The following CALN1 variants were observed in gnomAD, a reference collection of about 807,000 sequenced individuals.
CALN1 encodes the protein calcium-binding protein 8.
In CALN1, 17 loss-of-function variants were observed where a neutral mutation model predicts 30.6. That is an observed-to-expected ratio of 0.56 (90% CI 0.38 to 0.83). The LOEUF (loss-of-function observed/expected upper bound fraction) is 0.83. Ranked by LOEUF, CALN1 falls within the 40% of genes least tolerant of loss-of-function variation. CALN1 has a pLI of 0.00. For synonymous variants in CALN1, 156 were observed against 131.4 expected (o/e 1.19, Z -1.28); for missense variants, 291 against 354.9 (o/e 0.82, Z 1.45).
At chr7:72,162,823 T>C (rs1788213473) in intron 3 of CALN1, among the ~76,000 whole-genome samples, 1 of 152,198 alleles carries the variant, frequency 6.6e-6, no homozygotes, top group South Asian at 2.1e-4. Flanking sequence ...GTATGAGCCA[T>C]GAGGTGGTTA....
intron 3 of CALN1, among the ~76,000 whole-genome samples, chr7:72,173,108 CA>C (rs1197814014): frequency 5.3e-5 from 8 of 151,204 alleles, no homozygotes; most frequent in African/African-American, 1.7e-4. Flanking sequence ...ATAAATTTAA[CA>C]AGGTCATAGG....
At chr7:72,085,066 C>T (rs758293730) in intron 4 of CALN1, among the ~76,000 whole-genome samples, 6 of 152,158 alleles carry the variant, frequency 3.9e-5, no homozygotes, top group African/African-American at 7.2e-5. Flanking sequence ...CCAGGATCAC[C>T]GAAGCACATG....
At chr7:71,949,256 T>TTCAGCTATGACAGAACTG (rs1796567524) in intron 5 of CALN1, among the ~76,000 whole-genome samples, 1 of 152,072 alleles carries the variant, frequency 6.6e-6, no homozygotes, top group Non-Finnish European at 1.5e-5. Context: ...ATGGAAACAC[T>TTCAGCTATGACAGAACTG]TCAGCTATGA....
At chr7:72,304,941 G>C (rs1051774248) in intron 2 of CALN1, among the ~76,000 whole-genome samples, 2 of 152,152 alleles carry the variant, frequency 1.3e-5, no homozygotes, top group Non-Finnish European at 2.9e-5. Context: ...ACAAATGAAA[G>C]AGCCTGGCTG....
intron 2 of CALN1, among the ~76,000 whole-genome samples, chr7:72,297,304 TAAGAA>T (rs201632337): frequency 0.014 from 2,165 of 151,838 alleles, 26 homozygotes; most frequent in Non-Finnish European, 0.019. Flanking sequence ...CAAAATAAAT[TAAGAA>T]AATAGGAAAA....
At chr7:72,347,634 T>C (rs1009098951) in intron 2 of CALN1, among the ~76,000 whole-genome samples, 6 of 152,110 alleles carry the variant, frequency 3.9e-5, no homozygotes, top group African/African-American at 1.2e-4. Flanking sequence ...AAAGAACAAT[T>C]TGCCGGACAG....
At chr7:72,212,768 T>G (rs2129548338) in intron 3 of CALN1, among the ~76,000 whole-genome samples, 1 of 152,232 alleles carries the variant, frequency 6.6e-6, no homozygotes, top group African/African-American at 2.4e-5. Context: ...GAGTTATGAT[T>G]ATACCACTGC....
chr7:72,402,832 A>G (rs995501746), intron 2 of CALN1, among the ~76,000 whole-genome samples: 3 of 152,220 alleles, frequency 2.0e-5, no homozygotes, highest in African/African-American at 7.2e-5. Flanking sequence ...CTGTGATCTC[A>G]GTCAAGCTGC....
At chr7:72,097,164 T>C (rs1343986717) in intron 4 of CALN1, among the ~76,000 whole-genome samples, 1 of 146,478 alleles carries the variant, frequency 6.8e-6, no homozygotes, top group Non-Finnish European at 1.5e-5. Context: ...TGTCGTGGGG[T>C]GGGGGGAGAG....
intron 2 of CALN1, among the ~76,000 whole-genome samples, chr7:72,354,003 A>G (rs1035835240): frequency 2.0e-5 from 3 of 152,192 alleles, no homozygotes; most frequent in Non-Finnish European, 4.4e-5. Flanking sequence ...CCTGGCCAAC[A>G]TGGTGAAATC....
At chr7:72,185,963 A>C (rs867120184) in intron 3 of CALN1, among the ~76,000 whole-genome samples, 1 of 152,132 alleles carries the variant, frequency 6.6e-6, no homozygotes, top group Admixed American at 6.5e-5. Context: ...GCAGCATGAA[A>C]ACAAACTAAT....
chr7:72,482,997 G>T, the CALN1 span, among the ~76,000 whole-genome samples: 4 of 152,022 alleles, frequency 2.6e-5, no homozygotes, highest in African/African-American at 9.7e-5. Flanking sequence ...TAGTGCAAAG[G>T]GTTATTTTGT....
In CALN1 at chr7:72,356,762, AAG is replaced by A. The variant is rs1417931980; in HGVS notation, c.119+46487_119+46488del. On this transcript the variant is annotated intron_variant, in intron 2 of 6. Coordinates refer to ENST00000395275, the MANE Select transcript of CALN1 (RefSeq NM_031468.4). ...ACTAGAAGAACGCAAATTACAACAT[AAG>A]AGAAGAAAATCAAAATATATTAGCT... 3.9e-5 allele frequency among the ~76,000 whole-genome samples: 6 copies of A among 152,160 alleles called. No individual in the cohort carries two copies. The East Asian group carries it at 1.2e-3, about 29-fold the overall frequency.
rs73364922 is a variant in CALN1 at position 72,373,177 on chromosome 7, T to G, written c.119+30074A>C. ...AAGAAAGAGCCAGAGAATGTGAACA[T>G]AGACCTATACAAATCACGCAATCTG... On this transcript the variant is annotated intron_variant, in intron 2 of 6. Coordinates refer to ENST00000395275, the MANE Select transcript of CALN1 (RefSeq NM_031468.4). Among the ~76,000 whole-genome samples, 685 of 152,226 alleles carry G rather than the reference T, an allele frequency of 4.5e-3. 4 individuals carry two copies. The highest frequency in any genetic ancestry group is 0.016 in the African/African-American group (649 of 41,540).
intron 5 of CALN1, among the ~76,000 whole-genome samples, chr7:71,854,570 T>C (rs1488353380): frequency 6.6e-6 from 1 of 152,188 alleles, no homozygotes; most frequent in Admixed American, 6.6e-5. Context: ...TGGTTCTTTT[T>C]CCTACTGCAA....
Position 72,271,575 on chromosome 7 carries a change from A to AAATAATATATATATATATATAT in CALN1, c.244+7110_244+7111insATATATATATATATATATTATT. Among the ~76,000 whole-genome samples, 5 of 52,134 alleles carry AAATAATATATATATATATATAT rather than the reference A, an allele frequency of 9.6e-5. 2 individuals carry two copies. The highest frequency in any genetic ancestry group is 1.5e-4 in the Non-Finnish European group (5 of 32,374). 34.2% of individuals were successfully genotyped at this position (52,134 alleles called of 152,430 possible). ...CTGTGCCTGCCTTTTAAAAAAAAAA[A>AAATAATATATATATATATATAT]ATATATATATATATATATAGTTTTC... On this transcript the variant is annotated intron_variant, in intron 3 of 6. Coordinates refer to ENST00000395275, the MANE Select transcript of CALN1 (RefSeq NM_031468.4).
chr7:71,998,956 A>G (rs905216233), intron 5 of CALN1, among the ~76,000 whole-genome samples: 2 of 152,182 alleles, frequency 1.3e-5, no homozygotes, highest in Non-Finnish European at 2.9e-5. Context: ...AATCCAAGGA[A>G]CCAAACAGAA....
chr7:72,190,984 T>C (rs577299350), intron 3 of CALN1, among the ~76,000 whole-genome samples: 9 of 152,348 alleles, frequency 5.9e-5, no homozygotes, highest in African/African-American at 1.7e-4. Flanking sequence ...TGTTATATCT[T>C]TGGCATTCAT....
intron 5 of CALN1, among the ~76,000 whole-genome samples, chr7:71,915,237 C>T (rs1235429790): frequency 2.0e-5 from 3 of 152,218 alleles, no homozygotes; most frequent in African/African-American, 7.2e-5. Flanking sequence ...AGGATTAACT[C>T]TCAACCACAC....
Sources: gnomAD v4.1 joint callset for allele counts (sites outside exome capture counted in the v4.1 genomes callset) on GRCh38, gnomAD v4.1.1 for gene constraint, MANE v1.5 for transcripts, NCBI Gene and HGNC (gene_info 2026-07-23, HGNC 2026-07-21) for gene names.